KCNMA1: variants seen among roughly 807,000 people sequenced by gnomAD.
KCNMA1 encodes potassium calcium-activated channel subfamily M alpha 1, also known as Calcium-activated potassium channel subunit alpha-1.
A neutral mutation model predicts 140.0 loss-of-function variants in KCNMA1; 29 were observed. That is an observed-to-expected ratio of 0.21 (90% CI 0.15 to 0.28). KCNMA1 has a LOEUF of 0.28. Ranked by LOEUF, KCNMA1 falls within the 10% of genes least tolerant of loss-of-function variation. The probability of loss-of-function intolerance (pLI) is 1.00; values close to 1 mark genes in which losing one functional copy is unlikely to be tolerated. For synonymous variants in KCNMA1, 612 were observed against 611.9 expected (o/e 1.00, Z 0.00); for missense variants, 880 against 1,602.2 (o/e 0.55, Z 7.70).
At chr10:77,435,929 G>C (rs955733266) in intron 1 of KCNMA1, among the ~76,000 whole-genome samples, 1 of 152,196 alleles carries the variant, frequency 6.6e-6, no homozygotes, top group Admixed American at 6.5e-5. Context: ...GGACCCAGAT[G>C]CCTATGAAAG....
intron 14 of KCNMA1, among the ~76,000 whole-genome samples, chr10:77,070,440 C>T (rs912919595): frequency 1.3e-4 from 20 of 152,286 alleles, no homozygotes; most frequent in African/African-American, 3.9e-4. Flanking sequence ...AAAACAGACA[C>T]GACCGGCCTA....
chr10:77,159,117 A>C (rs2098525813), intron 5 of KCNMA1, among the ~76,000 whole-genome samples: 1 of 152,178 alleles, frequency 6.6e-6, no homozygotes, highest in Non-Finnish European at 1.5e-5. Context: ...CACGGCTGTG[A>C]ATTACAAGGT....
At chr10:77,136,343 G>A (rs759949714) in intron 5 of KCNMA1, among the ~76,000 whole-genome samples, 7 of 152,112 alleles carry the variant, frequency 4.6e-5, no homozygotes, top group Non-Finnish European at 2.9e-5. Flanking sequence ...TTGACATAAT[G>A]TTAAGTTAAA....
At chr10:77,547,971 G>C (rs1026862447) in intron 1 of KCNMA1, among the ~76,000 whole-genome samples, 2 of 151,694 alleles carry the variant, frequency 1.3e-5, no homozygotes, top group Non-Finnish European at 2.9e-5. Flanking sequence ...GCCCAGAAAA[G>C]CCTAAAATCT....
At chr10:76,959,009 A>G (rs2069691971) in intron 20 of KCNMA1, among the ~76,000 whole-genome samples, 1 of 152,108 alleles carries the variant, frequency 6.6e-6, no homozygotes, top group African/African-American at 2.4e-5. Flanking sequence ...TCCCGCCATT[A>G]TTTCAGGAAT....
chr10:77,486,952 A>C (rs2098468059), intron 1 of KCNMA1, among the ~76,000 whole-genome samples: 1 of 152,222 alleles, frequency 6.6e-6, no homozygotes, highest in Non-Finnish European at 1.5e-5. Context: ...ACAAGTCCCC[A>C]GCTAAGCATC....
At chr10:77,567,341 G>A (rs1391838872) in intron 1 of KCNMA1, among the ~76,000 whole-genome samples, 1 of 152,190 alleles carries the variant, frequency 6.6e-6, no homozygotes, top group African/African-American at 2.4e-5. Flanking sequence ...GAGAGGCACG[G>A]CCAGAGCCTC....
intron 17 of KCNMA1, among the ~76,000 whole-genome samples, chr10:77,015,378 T>C (rs2091821566): frequency 6.6e-6 from 1 of 152,096 alleles, no homozygotes; most frequent in African/African-American, 2.4e-5. Context: ...TGAAGGTGGC[T>C]TCCCCTTTCT....
chr10:76,986,280 A>G (rs2081254830), intron 19 of KCNMA1, among the ~76,000 whole-genome samples: 1 of 152,228 alleles, frequency 6.6e-6, no homozygotes, highest in Non-Finnish European at 1.5e-5. Flanking sequence ...AAACACACAT[A>G]CACAATTTTG....
At chr10:77,394,640 C>T (rs1420353521) in intron 2 of KCNMA1, among the ~76,000 whole-genome samples, 2 of 152,230 alleles carry the variant, frequency 1.3e-5, no homozygotes, top group Non-Finnish European at 2.9e-5. Flanking sequence ...TGGGGACCCA[C>T]CTGGCTCTGG....
At chr10:77,276,025 C>T (rs1198630870) in intron 2 of KCNMA1, among the ~76,000 whole-genome samples, 4 of 152,176 alleles carry the variant, frequency 2.6e-5, no homozygotes, top group Non-Finnish European at 5.9e-5. Context: ...CCTTCCTTGC[C>T]CTTGCCCCAC....
intron 2 of KCNMA1, among the ~76,000 whole-genome samples, chr10:77,272,917 C>G (rs1681320410): frequency 6.6e-6 from 1 of 152,128 alleles, no homozygotes; most frequent in South Asian, 2.1e-4. Context: ...TTCCAATAAG[C>G]AATCCCTTGG....
chr10:77,114,259 C>T (rs1047463099), intron 6 of KCNMA1, among the ~76,000 whole-genome samples: 2 of 152,164 alleles, frequency 1.3e-5, no homozygotes, highest in African/African-American at 4.8e-5. Flanking sequence ...AGAGCTGAGG[C>T]CTTGTCTGTC....
intron 29 of KCNMA1, among the ~76,000 whole-genome samples, chr10:76,878,890 T>C (rs541759608): frequency 6.6e-6 from 1 of 152,260 alleles, no homozygotes; most frequent in Admixed American, 6.5e-5. Flanking sequence ...TAGGACATTC[T>C]AACTTGGGAA....
intron 1 of KCNMA1, among the ~76,000 whole-genome samples, chr10:77,446,261 AGTCTGGAGCT>A (rs1299762049): frequency 2.0e-5 from 3 of 152,246 alleles, no homozygotes; most frequent in African/African-American, 7.2e-5. Context: ...AAGTCCCTTC[AGTCTGGAGCT>A]GTCTGAGGAA....
intron 3 of KCNMA1, among the ~76,000 whole-genome samples, chr10:77,219,685 T>C (rs758976726): frequency 1.3e-5 from 2 of 152,194 alleles, no homozygotes; most frequent in African/African-American, 4.8e-5. Context: ...AGTGGCGCGA[T>C]CTTGGCTCAC....
At chr10:77,050,535 A>G (rs905598142) in intron 14 of KCNMA1, among the ~76,000 whole-genome samples, 3 of 152,204 alleles carry the variant, frequency 2.0e-5, no homozygotes, top group Non-Finnish European at 4.4e-5. Context: ...GTCCTTTGAA[A>G]TATGGAGTCC....
chr10:77,231,685 G>A (rs1476289544), intron 3 of KCNMA1, among the ~76,000 whole-genome samples: 4 of 151,964 alleles, frequency 2.6e-5, no homozygotes, highest in Admixed American at 1.3e-4. Flanking sequence ...ACACCCCAAT[G>A]GCCTCGGACC....
chr10:77,343,729 C>T (rs151234090), intron 2 of KCNMA1, among the ~76,000 whole-genome samples: 6 of 152,090 alleles, frequency 3.9e-5, no homozygotes, highest in African/African-American at 1.2e-4. Context: ...TCATAGTGTC[C>T]GTGGCAGGAA....
Sources: gnomAD v4.1 joint callset for allele counts (sites outside exome capture counted in the v4.1 genomes callset) on GRCh38, gnomAD v4.1.1 for gene constraint, MANE v1.5 for transcripts, NCBI Gene and HGNC (gene_info 2026-07-23, HGNC 2026-07-21) for gene names.